Variants in PRKAR2B observed in about 807,000 individuals in gnomAD.
The protein encoded by PRKAR2B is protein kinase cAMP-dependent type II regulatory subunit beta, also known as cAMP-dependent protein kinase type II-beta regulatory subunit.
PRKAR2B carries 14 observed loss-of-function variants against 49.9 expected under a neutral mutation model. The ratio of observed to expected loss-of-function variants is 0.28; its 90% CI spans 0.19 to 0.44. PRKAR2B has a LOEUF of 0.44. Among genes scored for constraint, PRKAR2B ranks in the 20% least tolerant of loss-of-function variants. PRKAR2B has a pLI of 1.00. For missense variants in PRKAR2B, 393 were observed against 537.9 expected, an observed-to-expected ratio of 0.73 and a Z score of 2.67; for synonymous variants, 196 against 197.7, an observed-to-expected ratio of 0.99 and a Z score of 0.07.
In PRKAR2B at chr7:107,072,108, T is replaced by A. The variant is rs183076047; in HGVS notation, c.343+1792T>A. 2.5e-3 allele frequency among the ~76,000 whole-genome samples: 369 copies of A among 148,204 alleles called. 3 individuals are homozygous for A. Among genetic ancestry groups the A allele is most frequent in the African/African-American group, 8.5e-3 (347 of 40,828 alleles). ...ATAAAAAATAAAAATAAAAAATAAATATATATATATATAATTGTAGAGATG... is the reference window on the plus strand; with the variant it reads ...ATAAAAAATAAAAATAAAAAATAAAAATATATATATATAATTGTAGAGATG... On this transcript the variant is annotated intron_variant, in intron 2 of 10. Transcript: ENST00000265717.
intron 7 of PRKAR2B, among the ~76,000 whole-genome samples, chr7:107,151,665 C>G (rs1232678138): frequency 1.3e-5 from 2 of 152,198 alleles, no homozygotes; most frequent in Admixed American, 6.5e-5. Context: ...GCTTAGGACA[C>G]TCACATCAGC....
chr7:107,132,972 A>G (rs1795629387), intron 4 of PRKAR2B, among the ~76,000 whole-genome samples: 1 of 152,144 alleles, frequency 6.6e-6, no homozygotes. Flanking sequence ...AATATTTCTA[A>G]TTTGAGGCTA....
intron 1 of PRKAR2B, among the ~76,000 whole-genome samples, chr7:107,055,097 A>C (rs1012821157): frequency 6.6e-6 from 1 of 152,132 alleles, no homozygotes; most frequent in East Asian, 1.9e-4. Context: ...TTTGCTGAGA[A>C]TGATGGTTTC....
intron 1 of PRKAR2B, among the ~76,000 whole-genome samples, chr7:107,048,429 T>G (rs1237230766): frequency 6.6e-6 from 1 of 152,166 alleles, no homozygotes; most frequent in Non-Finnish European, 1.5e-5. Context: ...CTGATGGATT[T>G]GCATTGTTGG....
chr7:107,143,370 G>A (rs1369078733), intron 5 of PRKAR2B, among the ~76,000 whole-genome samples: 1 of 152,174 alleles, frequency 6.6e-6, no homozygotes, highest in Non-Finnish European at 1.5e-5. Flanking sequence ...GCACACAACA[G>A]CTTATTCAGC....
In PRKAR2B at chr7:107,046,436, T is replaced by G. The variant is rs915343993; in HGVS notation, c.307+1222T>G. Among the ~76,000 whole-genome samples, 6 of 152,260 alleles carry G rather than the reference T, an allele frequency of 3.9e-5. No homozygotes were observed. The East Asian group carries it at 9.6e-4, about 24-fold the overall frequency. On this transcript the variant is annotated intron_variant, in intron 1 of 10. Transcript: ENST00000265717. ...TTCTTTTCTTTGCAGGATTACATGT[T>G]GAAATGGATTATAAAATTAGTGTAT... is the stretch of plus-strand genomic sequence containing the variant.
intron 2 of PRKAR2B, among the ~76,000 whole-genome samples, chr7:107,070,974 A>G (rs1435518855): frequency 6.6e-6 from 1 of 152,220 alleles, no homozygotes. Flanking sequence ...TATACTGTGT[A>G]CTATTTAAAC....
intron 1 of PRKAR2B, among the ~76,000 whole-genome samples, chr7:107,066,298 T>TGGGGGGGGG (rs199947326): frequency 3.6e-5 from 4 of 111,298 alleles, no homozygotes; most frequent in African/African-American, 1.1e-4. Context: ...TCTCTCTATG[T>TGGGGGGGGG]GGGGTGTGTG....
intron 1 of PRKAR2B, among the ~76,000 whole-genome samples, chr7:107,055,647 T>A (rs892457381): frequency 1.7e-4 from 26 of 152,252 alleles, no homozygotes; most frequent in African/African-American, 5.5e-4. Context: ...TTTGCCCCCT[T>A]TTTGATGGGG....
intron 2 of PRKAR2B, among the ~76,000 whole-genome samples, chr7:107,090,146 G>C (rs915618258): frequency 6.6e-5 from 10 of 152,140 alleles, no homozygotes; most frequent in Non-Finnish European, 1.5e-4. Flanking sequence ...GCAGGGGTGT[G>C]GTTCACAGAA....
At chr7:107,073,370 G>A (rs2536503) in intron 2 of PRKAR2B, among the ~76,000 whole-genome samples, 40,216 of 152,014 alleles carry the variant, frequency 0.26, 9,129 homozygotes, top group African/African-American at 0.62. Flanking sequence ...TTTTGTAAGT[G>A]AAAGGAATCA....
At chr7:107,072,421 G>A (rs1435497655) in intron 2 of PRKAR2B, among the ~76,000 whole-genome samples, 1 of 152,080 alleles carries the variant, frequency 6.6e-6, no homozygotes, top group Non-Finnish European at 1.5e-5. Context: ...CAGGCACTGT[G>A]CTAAGCATTT....
At chr7:107,059,201 T>C (rs1381998209) in intron 1 of PRKAR2B, among the ~76,000 whole-genome samples, 1 of 152,148 alleles carries the variant, frequency 6.6e-6, no homozygotes, top group Non-Finnish European at 1.5e-5. Context: ...GGCAGGAGAA[T>C]CGCTTGAACC....
Position 107,110,142 on chromosome 7 carries a change from G to A in PRKAR2B, c.344-11810G>A, listed in dbSNP as rs79385980. Among the ~76,000 whole-genome samples, 553 of 152,186 alleles carry A rather than the reference G, an allele frequency of 3.6e-3. 4 individuals carry two copies. The highest frequency in any genetic ancestry group is 0.013 in the African/African-American group (522 of 41,504). On this transcript the variant is annotated intron_variant, in intron 2 of 10. Transcript: ENST00000265717. Reference sequence around the variant, plus strand: ...TGTAGCAGTTGTGAGACATTATATCGCACTCAGTAATGCCCTGTCACAGCA... The same window carrying A: ...TGTAGCAGTTGTGAGACATTATATCACACTCAGTAATGCCCTGTCACAGCA...
At chr7:107,108,703 G>A (rs1338952232) in intron 2 of PRKAR2B, among the ~76,000 whole-genome samples, 1 of 152,218 alleles carries the variant, frequency 6.6e-6, no homozygotes, top group Non-Finnish European at 1.5e-5. Flanking sequence ...TTTGGCTCCT[G>A]TACAGCTCTA....
intron 2 of PRKAR2B, among the ~76,000 whole-genome samples, chr7:107,109,090 G>A (rs1329560872): frequency 1.3e-5 from 2 of 152,084 alleles, no homozygotes; most frequent in Non-Finnish European, 2.9e-5. Context: ...TTCTAGAAAA[G>A]GGGTGAGGAG....
chr7:107,047,129 C>T (rs541693050), intron 1 of PRKAR2B, among the ~76,000 whole-genome samples: 1 of 152,150 alleles, frequency 6.6e-6, no homozygotes, highest in African/African-American at 2.4e-5. Context: ...TACTCCCTAG[C>T]CTCACCCCCA....
At chr7:107,124,954 T>G (rs1433586310) in intron 3 of PRKAR2B, among the ~76,000 whole-genome samples, 6 of 152,136 alleles carry the variant, frequency 3.9e-5, no homozygotes. Context: ...TATAGTAGCT[T>G]GAAAGCAGCT....
intron 3 of PRKAR2B, 96 bp from the exon 4 acceptor site, chr7:107,128,116 C>A: frequency 1.3e-6 from 1 of 798,410 alleles, no homozygotes. Flanking sequence ...GTTCTTCTTT[C>A]TAATGTTGGT....
Sources: allele counts gnomAD v4.1 joint callset (sites outside exome capture counted in the v4.1 genomes callset), GRCh38; gene constraint gnomAD v4.1.1; transcripts MANE v1.5; gene names NCBI Gene and HGNC (gene_info 2026-07-23, HGNC 2026-07-21).